CNR2: variants seen among roughly 807,000 people sequenced by gnomAD.
CNR2 encodes cannabinoid receptor 2 (macrophage).
For synonymous variants in CNR2, 172 were observed against 182.2 expected (o/e 0.94, Z 0.45); for missense variants, 379 against 439.9 (o/e 0.86, Z 1.24).
At chr1:23,899,047 C>T (rs1424537467) in intron 1 of CNR2, among the ~76,000 whole-genome samples, 1 of 152,072 alleles carries the variant, frequency 6.6e-6, no homozygotes, top group East Asian at 1.9e-4. Flanking sequence ...TATTATGATA[C>T]ACGTATCAAA....
chr1:23,874,459 T>C lies in CNR2; in HGVS notation c.*76A>G. The C allele has an allele frequency of 6.8e-7, 1 of 1,470,448 alleles. No homozygotes were observed. Among genetic ancestry groups the C allele is most frequent in the Non-Finnish European group, 9.2e-7 (1 of 1,088,826 alleles). The allele number at this position is 1,470,448 out of a possible 1,614,324, so 91.1% of individuals were successfully genotyped here. Reference sequence around the variant, plus strand: ...GGGACTGGTTTAAGTAAGAAGAGAGTGCCAAGACCCCTCTCTCTCTTCCAG... The same window carrying C: ...GGGACTGGTTTAAGTAAGAAGAGAGCGCCAAGACCCCTCTCTCTCTTCCAG... On this transcript the variant is annotated 3_prime_UTR_variant, in exon 2 of 2. Transcript: ENST00000374472.
chr1:23,897,740 A>G lies in CNR2; in HGVS notation c.-46+15506T>C, dbSNP rs541198130. Among the ~76,000 whole-genome samples, 30 of 151,860 alleles carry G rather than the reference A, an allele frequency of 2.0e-4. 1 individual carries two copies. In the South Asian group the frequency reaches 2.5e-3, roughly 13 times the overall value. Reference sequence around the variant, plus strand: ...CTCCCAAAGTGCTGGGATTACAGGCATGAGCCACCACGCCCGCCCTGAAGT... The same window carrying G: ...CTCCCAAAGTGCTGGGATTACAGGCGTGAGCCACCACGCCCGCCCTGAAGT... On this transcript the variant is annotated intron_variant, in intron 1 of 1. Transcript: ENST00000374472.
intron 1 of CNR2, among the ~76,000 whole-genome samples, chr1:23,884,773 A>G (rs1456660254): frequency 6.6e-6 from 1 of 151,826 alleles, no homozygotes; most frequent in Non-Finnish European, 1.5e-5. Flanking sequence ...GCTCAGCACA[A>G]TGCTTGCTGC....
intron 1 of CNR2, among the ~76,000 whole-genome samples, chr1:23,907,340 G>A (rs1640511276): frequency 1.3e-5 from 2 of 150,056 alleles, no homozygotes; most frequent in Admixed American, 6.7e-5. Flanking sequence ...AGGTTGGGAC[G>A]TGGAGGTTGC....
intron 1 of CNR2, among the ~76,000 whole-genome samples, chr1:23,909,461 T>C (rs562151632): frequency 6.6e-6 from 1 of 152,140 alleles, no homozygotes; most frequent in African/African-American, 2.4e-5. Flanking sequence ...AGTGTCCTCA[T>C]TTATAGCTTG....
intron 1 of CNR2, among the ~76,000 whole-genome samples, chr1:23,891,273 TTTTGTGTGTGTGTG>T (rs1452457011): frequency 1.8e-4 from 10 of 56,150 alleles, no homozygotes; most frequent in Non-Finnish European, 2.5e-4. Flanking sequence ...TGACCAAATC[TTTTGTGTGTGTGTG>T]TGTGTGTGTG....
intron 1 of CNR2, among the ~76,000 whole-genome samples, chr1:23,890,863 C>T (rs1375048546): frequency 6.9e-6 from 1 of 145,400 alleles, no homozygotes; most frequent in Admixed American, 7.2e-5. Context: ...CTCTTAGTCC[C>T]CCTCTGGTCT....
At chr1:23,902,553 T>C in intron 1 of CNR2, 1 of 1,608,526 alleles carries the variant, frequency 6.2e-7, no homozygotes, top group South Asian at 1.1e-5. Flanking sequence ...GTCTGGAATG[T>C]GAATTTCAGA....
At chr1:23,902,626 C>A (rs1342685807) in intron 1 of CNR2, 15 of 1,600,008 alleles carry the variant, frequency 9.4e-6, no homozygotes, top group Non-Finnish European at 1.3e-5. Context: ...ACAGCCAGGA[C>A]GTACTTGTGG....
rs1040128100 is a variant in CNR2 at position 23,871,240 on chromosome 1, A to G, written c.*3295T>C. 2.6e-5 allele frequency: 4 copies of G among 152,016 alleles called. No homozygotes were observed. The highest frequency in any genetic ancestry group is 9.7e-5 in the African/African-American group (4 of 41,348). The allele number at this position is 152,016 out of a possible 1,614,324, so 9.4% of individuals were successfully genotyped here. ...AGAAAGTGTGGAGTTGCGTTTGATC[A>G]AATGATTTTTAGAATCTAGTTTTAT... On this transcript the variant is annotated 3_prime_UTR_variant, in exon 2 of 2. Coordinates refer to ENST00000374472, the MANE Select transcript of CNR2 (RefSeq NM_001841.3).
chr1:23,875,407 G>C lies in CNR2; in HGVS notation c.211C>G (p.Leu71Val). Residue 71 changes from leucine (L) to valine (V), a missense_variant, in exon 2 of 2, where the codon CTG becomes GTG. Coordinates refer to ENST00000374472, the MANE Select transcript of CNR2 (RefSeq NM_001841.3). ...SHQLRRKPSY[L>V]FIGSLAGADF... Reference sequence around the variant, plus strand: ...GCCCCAGCCAAGCTGCCAATGAACAGGTATGAGGGCTTCCGGCGGAGTTGG... The same window carrying C: ...GCCCCAGCCAAGCTGCCAATGAACACGTATGAGGGCTTCCGGCGGAGTTGG... 1 of 1,614,254 alleles carries C rather than the reference G, an allele frequency of 6.2e-7. No individual in the cohort carries two copies. Among genetic ancestry groups the C allele is most frequent in the Non-Finnish European group, 8.5e-7 (1 of 1,180,048 alleles).
Position 23,875,295 on chromosome 1 carries a change from A to C in CNR2, c.323T>G (p.Leu108Arg). ...HGVDSKAVFL[L>R]KIGSVTMTFT... Reference sequence around the variant, plus strand: ...GGTCATAGTCACGCTGCCAATCTTCAGCAGGAAGACAGCCTTGGAATCCAC... The same window carrying C: ...GGTCATAGTCACGCTGCCAATCTTCCGCAGGAAGACAGCCTTGGAATCCAC... Residue 108 changes from leucine to arginine, a missense_variant, in exon 2 of 2, where the codon CTG (leucine) becomes CGG (arginine). Physicochemically the swap from Leu to Arg is moderately radical, Grantham distance 102 (BLOSUM62 -2). Coordinates refer to ENST00000374472, the MANE Select transcript of CNR2 (RefSeq NM_001841.3). 6.2e-7 allele frequency: 1 copy of C among 1,614,228 alleles called. No homozygotes were observed. Among genetic ancestry groups the C allele is most frequent in the Non-Finnish European group, 8.5e-7 (1 of 1,180,048 alleles).
chr1:23,906,285 C>T (rs975855823), intron 1 of CNR2, among the ~76,000 whole-genome samples: 1 of 152,014 alleles, frequency 6.6e-6, no homozygotes, highest in Non-Finnish European at 1.5e-5. Flanking sequence ...CTCCTTGAGC[C>T]CCACTGTCCT....
At chr1:23,884,097 T>TTTTTG (rs1262634859) in intron 1 of CNR2, among the ~76,000 whole-genome samples, 1 of 151,850 alleles carries the variant, frequency 6.6e-6, no homozygotes. Context: ...TTGTTTTTTT[T>TTTTTG]GAGACAGAGT....
rs201683902 is a variant in CNR2, at chr1:23,874,082, C to T, written c.*453G>A. 6.0e-6 allele frequency: 1 copy of T among 165,872 alleles called. No individual in the cohort carries two copies. The highest frequency in any genetic ancestry group is 2.4e-5 in the African/African-American group (1 of 41,804). 10.3% of individuals were successfully genotyped at this position (165,872 alleles called of 1,614,324 possible). ...GACTTGAAAGTGGGGCCTTTCATAGCTCCAGAGCCAAGGAGGCCTTGACAA... is the reference window on the plus strand; with the variant it reads ...GACTTGAAAGTGGGGCCTTTCATAGTTCCAGAGCCAAGGAGGCCTTGACAA... On this transcript the variant is annotated 3_prime_UTR_variant, in exon 2 of 2. Transcript: ENST00000374472.
At chr1:23,902,878 G>C in intron 1 of CNR2, 2 of 1,160,498 alleles carry the variant, frequency 1.7e-6, no homozygotes, top group Non-Finnish European at 2.1e-6. Context: ...CTAGGACCGC[G>C]GCCGCGGCGC....
At position 23,891,567 on chromosome 1, in the gene CNR2, C is replaced by T. The variant is rs960019786; in HGVS notation, c.-45-15905G>A. ...CTGGGAGGCAGAGGTTGCAGTGAGC[C>T]GAGATCATGCCATTGCACTCCAGCC... On this transcript the variant is annotated intron_variant, in intron 1 of 1. Transcript: ENST00000374472. 1.1e-3 allele frequency among the ~76,000 whole-genome samples: 152 copies of T among 139,198 alleles called. 1 individual carries two copies. Among genetic ancestry groups the T allele is most frequent in the African/African-American group, 3.3e-3 (122 of 37,002 alleles). The allele number at this position is 139,198 out of a possible 152,430, so 91.3% of individuals were successfully genotyped here. A position where few individuals can be genotyped will look rare whatever the true frequency, so the allele number is the denominator to read the frequency against.
chr1:23,874,971 G>A lies in CNR2; in HGVS notation c.647C>T (p.Ala216Val), dbSNP rs752550897. The A allele has an allele frequency of 7.5e-6, 12 of 1,609,732 alleles. No individual in the cohort carries two copies. In the East Asian group the frequency reaches 2.7e-4, roughly 36 times the overall value. ...IYTYGHVLWKAHQHVASLSGH... is the reference protein window; with the variant it reads ...IYTYGHVLWKVHQHVASLSGH... ...AGACAAGCTGGCCACATGCTGATGG[G>A]CCTTCCAGAGAACATGCCCATAGGT... is the stretch of plus-strand genomic sequence containing the variant. The change falls in exon 2 of 2, where the codon GCC (alanine) becomes GTC (valine). Residue 216 changes from alanine (A) to valine (V), a missense_variant. By Grantham distance (64) the Ala-to-Val change is moderately conservative. Coordinates refer to ENST00000374472, the MANE Select transcript of CNR2 (RefSeq NM_001841.3).
chr1:23,903,376 A>T (rs546320633), intron 1 of CNR2, among the ~76,000 whole-genome samples: 1 of 151,564 alleles, frequency 6.6e-6, no homozygotes, highest in Non-Finnish European at 1.5e-5. Context: ...GGAGTTCAAG[A>T]CAAGCCTGGG....
Sources: gnomAD v4.1 joint callset for allele counts (sites outside exome capture counted in the v4.1 genomes callset) on GRCh38, gnomAD v4.1.1 for gene constraint, MANE v1.5 for transcripts, NCBI Gene and HGNC (gene_info 2026-07-23, HGNC 2026-07-21) for gene names.